CREB5: variants seen among roughly 807,000 people sequenced by gnomAD.
CREB5 encodes cyclic AMP-responsive element-binding protein 5.
A neutral mutation model predicts 57.1 loss-of-function variants in CREB5; 19 were observed. That is an observed-to-expected ratio of 0.33 (90% CI 0.23 to 0.49). The LOEUF is 0.49. Ranked by LOEUF, CREB5 falls within the 20% of genes least tolerant of loss-of-function variation. The pLI, the probability that CREB5 is intolerant of heterozygous loss-of-function variation, is 0.99. For missense variants in CREB5, 579 were observed against 671.6 expected, an observed-to-expected ratio of 0.86 and a Z score of 1.52; for synonymous variants, 238 against 238.3, an observed-to-expected ratio of 1.00 and a Z score of 0.01.
At chr7:28,580,440 C>G (rs1796076202) in intron 5 of CREB5, among the ~76,000 whole-genome samples, 1 of 150,432 alleles carries the variant, frequency 6.6e-6, no homozygotes, top group African/African-American at 2.4e-5. Context: ...CACACACACA[C>G]ACACACACAC....
intron 4 of CREB5, among the ~76,000 whole-genome samples, chr7:28,511,207 TGGTCAGGCA>T (rs71876335): frequency 0.24 from 35,772 of 151,138 alleles, 4,948 homozygotes; most frequent in African/African-American, 0.39. Flanking sequence ...ATGCTGCGGG[TGGTCAGGCA>T]GGCATTGATG....
intron 7 of CREB5, among the ~76,000 whole-genome samples, chr7:28,752,195 T>A (rs1188887312): frequency 1.3e-5 from 2 of 152,192 alleles, no homozygotes; most frequent in African/African-American, 4.8e-5. Flanking sequence ...GAACGGAGTT[T>A]CACTCTTGTT....
chr7:28,802,968 T>C (rs777626137), intron 7 of CREB5, among the ~76,000 whole-genome samples: 3 of 152,268 alleles, frequency 2.0e-5, no homozygotes, highest in Non-Finnish European at 2.9e-5. Context: ...ATTTATACAT[T>C]GTCTGCAGCT....
intron 5 of CREB5, among the ~76,000 whole-genome samples, chr7:28,583,864 G>C (rs1333802679): frequency 6.6e-6 from 1 of 151,930 alleles, no homozygotes; most frequent in Non-Finnish European, 1.5e-5. Context: ...TTTTAGTAGA[G>C]ACAGGGTTTC....
intron 5 of CREB5, among the ~76,000 whole-genome samples, chr7:28,588,993 C>A (rs747253105): frequency 5.9e-5 from 9 of 152,158 alleles, no homozygotes; most frequent in Non-Finnish European, 1.2e-4. Context: ...AGTGTGGAGT[C>A]AGAAAACGAG....
At chr7:28,637,625 G>A (rs1798475849) in intron 5 of CREB5, among the ~76,000 whole-genome samples, 2 of 152,156 alleles carry the variant, frequency 1.3e-5, no homozygotes, top group Non-Finnish European at 2.9e-5. Context: ...AGAAAGAGCT[G>A]TTTGTGTGAA....
At chr7:28,613,121 C>T (rs563096092) in intron 5 of CREB5, among the ~76,000 whole-genome samples, 36 of 152,310 alleles carry the variant, frequency 2.4e-4, no homozygotes, top group African/African-American at 8.7e-4. Flanking sequence ...AGCAGTTTCA[C>T]CTCTATACCT....
At chr7:28,337,630 CTTGT>C (rs1183251280) in intron 1 of CREB5, among the ~76,000 whole-genome samples, 2 of 151,590 alleles carry the variant, frequency 1.3e-5, no homozygotes, top group Non-Finnish European at 2.9e-5. Context: ...ATCATTGGGT[CTTGT>C]TTGTTTTTTA....
In CREB5 at chr7:28,560,919, T is replaced by TGCGTGCGCGCGCGTGC. The variant is rs1562797827; in HGVS notation, c.292-9445_292-9444insCGTGCGCGCGCGTGCG. ...GTGCGTGCGCGCGTGCGTGTGCGTG[T>TGCGTGCGCGCGCGTGC]GTGCGCGTGCGTGTGTGCGTGCGTG... On this transcript the variant is annotated intron_variant, in intron 4 of 10. Transcript: ENST00000357727. Among the ~76,000 whole-genome samples, 9 of 42,998 alleles carry TGCGTGCGCGCGCGTGC rather than the reference T, an allele frequency of 2.1e-4. No homozygotes were observed. The East Asian group carries it at 8.0e-3, about 38-fold the overall frequency. 28.2% of individuals were successfully genotyped at this position (42,998 alleles called of 152,430 possible).
At chr7:28,601,170 T>C (rs953199288) in intron 5 of CREB5, among the ~76,000 whole-genome samples, 6 of 134,428 alleles carry the variant, frequency 4.5e-5, no homozygotes, top group African/African-American at 2.1e-4. Flanking sequence ...ATTATTATTA[T>C]TTTTTTTTTT....
At chr7:28,697,602 T>C (rs1378007624) in intron 5 of CREB5, among the ~76,000 whole-genome samples, 1 of 152,146 alleles carries the variant, frequency 6.6e-6, no homozygotes, top group East Asian at 1.9e-4. Context: ...GATTAATTTA[T>C]TTCTTAGGTA....
intron 1 of CREB5, among the ~76,000 whole-genome samples, chr7:28,394,860 A>G (rs1213660515): frequency 6.6e-6 from 1 of 152,208 alleles, no homozygotes; most frequent in African/African-American, 2.4e-5. Context: ...ATTTTTATAA[A>G]GAAAGAATAA....
chr7:28,553,975 A>C (rs1425948723), intron 4 of CREB5, among the ~76,000 whole-genome samples: 2 of 152,238 alleles, frequency 1.3e-5, no homozygotes, highest in Non-Finnish European at 2.9e-5. Flanking sequence ...AGTAATATCC[A>C]GCAGATGGAT....
chr7:28,340,712 G>A (rs1785920441), intron 1 of CREB5, among the ~76,000 whole-genome samples: 2 of 152,148 alleles, frequency 1.3e-5, no homozygotes, highest in African/African-American at 2.4e-5. Context: ...ACTTGCCTAG[G>A]AGTTGCAGTC....
At chr7:28,551,955 T>C (rs975196686) in intron 4 of CREB5, among the ~76,000 whole-genome samples, 3 of 147,750 alleles carry the variant, frequency 2.0e-5, no homozygotes, top group Non-Finnish European at 4.4e-5. Flanking sequence ...TTTTTATTCT[T>C]TCTCTTTTTT....
At chr7:28,616,130 C>T (rs533443085) in intron 5 of CREB5, among the ~76,000 whole-genome samples, 1 of 152,208 alleles carries the variant, frequency 6.6e-6, no homozygotes, top group African/African-American at 2.4e-5. Context: ...CTCTTGTAAA[C>T]TGGTAATTAG....
intron 1 of CREB5, among the ~76,000 whole-genome samples, chr7:28,329,136 T>C (rs928007042): frequency 7.2e-5 from 11 of 152,220 alleles, no homozygotes; most frequent in African/African-American, 2.2e-4. Flanking sequence ...CTGGGGTAAA[T>C]AACCACCCTT....
At chr7:28,460,776 A>ATTAGTGAGGTGTC (rs1790317034) in intron 1 of CREB5, among the ~76,000 whole-genome samples, 1 of 152,122 alleles carries the variant, frequency 6.6e-6, no homozygotes, top group African/African-American at 2.4e-5. Flanking sequence ...TCAGCTATTC[A>ATTAGTGAGGTGTC]TTAGTGAGGT....
chr7:28,645,408 G>A (rs1353186647), intron 5 of CREB5, among the ~76,000 whole-genome samples: 1 of 152,162 alleles, frequency 6.6e-6, no homozygotes, highest in East Asian at 1.9e-4. Flanking sequence ...TTTGCTTGTG[G>A]GTTTTGAATA....
Sources: gnomAD v4.1 joint callset for allele counts (sites outside exome capture counted in the v4.1 genomes callset) on GRCh38, gnomAD v4.1.1 for gene constraint, MANE v1.5 for transcripts, NCBI Gene and HGNC (gene_info 2026-07-23, HGNC 2026-07-21) for gene names.